The following GABBR2 variants were observed in gnomAD, a reference collection of about 807,000 sequenced individuals.
GABBR2 encodes G-protein coupled receptor 51.
Under a neutral mutation model 105.6 loss-of-function variants are expected in GABBR2, and 23 were observed. That is an observed-to-expected ratio of 0.22 (90% CI 0.16 to 0.31). The LOEUF is 0.31. Ranked by LOEUF, GABBR2 falls within the 10% of genes least tolerant of loss-of-function variation. GABBR2 has a pLI of 1.00. For missense variants in GABBR2, 734 were observed against 1,245.5 expected, an observed-to-expected ratio of 0.59 and a Z score of 6.18; for synonymous variants, 478 against 499.7, an observed-to-expected ratio of 0.96 and a Z score of 0.58.
At chr9:98,377,138 C>T (rs1482711989) in intron 11 of GABBR2, among the ~76,000 whole-genome samples, 3 of 151,504 alleles carry the variant, frequency 2.0e-5, no homozygotes, top group Non-Finnish European at 2.9e-5. Context: ...GCCTTTCTTC[C>T]TGTTCCCCCA....
chr9:98,639,909 T>C (rs1053370761), intron 1 of GABBR2, among the ~76,000 whole-genome samples: 1 of 152,086 alleles, frequency 6.6e-6, no homozygotes, highest in African/African-American at 2.4e-5. Flanking sequence ...TCCTCCTTCC[T>C]AGCCAGAGAA....
At chr9:98,533,934 G>A (rs1828119606) in intron 3 of GABBR2, among the ~76,000 whole-genome samples, 1 of 151,254 alleles carries the variant, frequency 6.6e-6, no homozygotes. Context: ...TTCCTGCTCA[G>A]AGCAGCAGGA....
chr9:98,310,365 C>T (rs986533499), intron 14 of GABBR2, among the ~76,000 whole-genome samples: 3 of 150,936 alleles, frequency 2.0e-5, no homozygotes. Flanking sequence ...TCTCCTGCCT[C>T]AGCCTCCAAA....
chr9:98,633,719 C>T (rs1388158789), intron 1 of GABBR2, among the ~76,000 whole-genome samples: 1 of 152,036 alleles, frequency 6.6e-6, no homozygotes, highest in African/African-American at 2.4e-5. Flanking sequence ...GCAAGTCGGA[C>T]CCCAACTGCA....
intron 8 of GABBR2, among the ~76,000 whole-genome samples, chr9:98,403,171 G>A (rs1467896239): frequency 6.6e-6 from 1 of 151,746 alleles, no homozygotes; most frequent in Non-Finnish European, 1.5e-5. Context: ...GCACGAGCCT[G>A]TAGTCCCAGC....
intron 1 of GABBR2, among the ~76,000 whole-genome samples, chr9:98,628,814 T>C (rs1829779761): frequency 6.6e-6 from 1 of 152,148 alleles, no homozygotes; most frequent in Non-Finnish European, 1.5e-5. Context: ...CAGCTTCTCT[T>C]ACCTGTGGAT....
intron 7 of GABBR2, among the ~76,000 whole-genome samples, chr9:98,426,620 C>T (rs963610849): frequency 6.6e-6 from 1 of 152,174 alleles, no homozygotes; most frequent in African/African-American, 2.4e-5. Flanking sequence ...ACCCAGATGG[C>T]TCCACAAGGG....
intron 1 of GABBR2, among the ~76,000 whole-genome samples, chr9:98,684,169 T>TTAAAAAAAAAAAAAAAAAAAAAAA (rs376323708): frequency 1.5e-5 from 1 of 66,116 alleles, no homozygotes; most frequent in Non-Finnish European, 2.7e-5. Context: ...TTTACCACGG[T>TTAAAAAAAAAAAAAAAAAAAAAAA]AAAAAAAAAA....
intron 1 of GABBR2, among the ~76,000 whole-genome samples, chr9:98,666,130 C>G (rs1372337065): frequency 6.6e-6 from 1 of 152,204 alleles, no homozygotes; most frequent in African/African-American, 2.4e-5. Context: ...CACTCAGAAG[C>G]TACCAGCCTG....
chr9:98,359,948 G>C (rs899927107), intron 13 of GABBR2, among the ~76,000 whole-genome samples: 2 of 152,216 alleles, frequency 1.3e-5, no homozygotes, highest in African/African-American at 4.8e-5. Context: ...CTCCATAGGA[G>C]GTAACACTGG....
At chr9:98,585,246 G>A (rs1000237322) in intron 1 of GABBR2, among the ~76,000 whole-genome samples, 1 of 151,954 alleles carries the variant, frequency 6.6e-6, no homozygotes, top group Non-Finnish European at 1.5e-5. Context: ...CAACCTAAAT[G>A]TCCAACAACG....
chr9:98,482,782 GTCAATTCATCATAAT>G (rs1291983219), intron 4 of GABBR2, among the ~76,000 whole-genome samples: 3 of 152,082 alleles, frequency 2.0e-5, no homozygotes, highest in African/African-American at 7.2e-5. Context: ...CCCAGTGGTT[GTCAATTCATCATAAT>G]GAAACTCACC....
chr9:98,594,493 G>A (rs898953376), intron 1 of GABBR2, among the ~76,000 whole-genome samples: 1 of 152,208 alleles, frequency 6.6e-6, no homozygotes, highest in African/African-American at 2.4e-5. Context: ...GGGAGGGGAG[G>A]GGAAGGGAGG....
intron 1 of GABBR2, among the ~76,000 whole-genome samples, chr9:98,679,132 A>T (rs1010897770): frequency 2.0e-5 from 3 of 152,204 alleles, no homozygotes; most frequent in African/African-American, 7.2e-5. Flanking sequence ...CAGGATGTAG[A>T]CAAGAATGTG....
chr9:98,395,783 T>C (rs1413481933), intron 8 of GABBR2, among the ~76,000 whole-genome samples: 1 of 151,726 alleles, frequency 6.6e-6, no homozygotes, highest in African/African-American at 2.4e-5. Flanking sequence ...AGGTTGTGGT[T>C]AGAAGGATGG....
chr9:98,545,930 T>A (rs1487732110), intron 2 of GABBR2, among the ~76,000 whole-genome samples: 6 of 152,166 alleles, frequency 3.9e-5, no homozygotes, highest in Non-Finnish European at 7.3e-5. Flanking sequence ...CTTTCTGAGC[T>A]CTCCTGCCTT....
chr9:98,648,078 A>AT (rs1830049902), intron 1 of GABBR2, among the ~76,000 whole-genome samples: 1 of 29,750 alleles, frequency 3.4e-5, no homozygotes, highest in African/African-American at 1.6e-4. Context: ...TTAATCATAC[A>AT]GGGTGTGTGT....
intron 13 of GABBR2, among the ~76,000 whole-genome samples, chr9:98,325,235 C>T (rs1308180387): frequency 1.3e-5 from 2 of 151,728 alleles, no homozygotes; most frequent in Middle Eastern, 3.4e-3. Context: ...TTCCACTGTC[C>T]CAGGATCTGT....
At chr9:98,503,237 G>C (rs1827441048) in intron 3 of GABBR2, among the ~76,000 whole-genome samples, 1 of 152,134 alleles carries the variant, frequency 6.6e-6, no homozygotes, top group Non-Finnish European at 1.5e-5. Flanking sequence ...GGAGCTGGTG[G>C]AGAAACTAAA....
Sources: gnomAD v4.1 joint callset for allele counts (sites outside exome capture counted in the v4.1 genomes callset) on GRCh38, gnomAD v4.1.1 for gene constraint, MANE v1.5 for transcripts, NCBI Gene and HGNC (gene_info 2026-07-23, HGNC 2026-07-21) for gene names.